KCNN3: variants seen among roughly 807,000 people sequenced by gnomAD.
The protein encoded by KCNN3 is potassium calcium-activated channel subfamily N member 3, also known as small conductance calcium-activated potassium channel protein 3.
Under a neutral mutation model 62.9 loss-of-function variants are expected in KCNN3, and 16 were observed. The observed-to-expected ratio is 0.25, with a 90% CI of 0.17 to 0.39. KCNN3 has a LOEUF of 0.39. KCNN3 is among the 10% of genes least tolerant of loss of function. The pLI, the probability that KCNN3 is intolerant of heterozygous loss-of-function variation, is 1.00. For synonymous variants in KCNN3, 370 were observed against 389.2 expected (o/e 0.95, Z 0.58); for missense variants, 599 against 949.4 (o/e 0.63, Z 4.85).
intron 3 of KCNN3, among the ~76,000 whole-genome samples, chr1:154,767,346 A>C (rs780813844): frequency 9.9e-5 from 15 of 152,238 alleles, no homozygotes; most frequent in Non-Finnish European, 1.6e-4. Flanking sequence ...AGCCTGTTGC[A>C]GAATTTGGAG....
At chr1:154,791,377 G>A (rs1005330132) in intron 2 of KCNN3, among the ~76,000 whole-genome samples, 1 of 151,552 alleles carries the variant, frequency 6.6e-6, no homozygotes, top group Non-Finnish European at 1.5e-5. Context: ...GGCTGGTGCT[G>A]GGGAGGAGCT....
chr1:154,861,590 G>A (rs1000680590), intron 1 of KCNN3, among the ~76,000 whole-genome samples: 3 of 152,078 alleles, frequency 2.0e-5, no homozygotes, highest in African/African-American at 7.2e-5. Flanking sequence ...CTCCCATCAT[G>A]GCTTGTCTAG....
At chr1:154,833,647 G>A (rs1427924592) in intron 1 of KCNN3, among the ~76,000 whole-genome samples, 3 of 152,196 alleles carry the variant, frequency 2.0e-5, no homozygotes, top group Non-Finnish European at 4.4e-5. Context: ...TAACAGAAAG[G>A]GCTGATAATG....
At chr1:154,842,513 G>A (rs1245261124) in intron 1 of KCNN3, among the ~76,000 whole-genome samples, 1 of 152,084 alleles carries the variant, frequency 6.6e-6, no homozygotes, top group Non-Finnish European at 1.5e-5. Flanking sequence ...GGGGCTATAA[G>A]CAACTGGGAT....
chr1:154,857,396 C>T (rs1652580550), intron 1 of KCNN3, among the ~76,000 whole-genome samples: 3 of 152,142 alleles, frequency 2.0e-5, no homozygotes, highest in Admixed American at 2.0e-4. Context: ...TCAGCAAACC[C>T]CTGTATCTAA....
At chr1:154,793,178 A>G (rs1051379922) in intron 2 of KCNN3, among the ~76,000 whole-genome samples, 26 of 152,242 alleles carry the variant, frequency 1.7e-4, no homozygotes, top group Non-Finnish European at 8.8e-5. Flanking sequence ...GGTGTCAGAC[A>G]TGCAAACCAG....
At chr1:154,837,736 G>A (rs1197106326) in intron 1 of KCNN3, among the ~76,000 whole-genome samples, 2 of 152,234 alleles carry the variant, frequency 1.3e-5, no homozygotes, top group African/African-American at 4.8e-5. Flanking sequence ...TCAGAGCAAA[G>A]GAAAAAGCTC....
chr1:154,713,413 A>G (rs1280167045), intron 7 of KCNN3, 51 bp downstream of exon 7: 1 of 1,454,666 alleles, frequency 6.9e-7, no homozygotes, highest in South Asian at 1.1e-5. Flanking sequence ...GAGCCTGAGA[A>G]GACTCAGTGT....
intron 2 of KCNN3, among the ~76,000 whole-genome samples, chr1:154,798,958 C>T (rs1416966760): frequency 6.7e-6 from 1 of 150,256 alleles, no homozygotes; most frequent in Non-Finnish European, 1.5e-5. Flanking sequence ...ACTCTGTCAC[C>T]CAGGCTGGAG....
intron 3 of KCNN3, among the ~76,000 whole-genome samples, chr1:154,755,392 C>A (rs1173194692): frequency 6.6e-6 from 1 of 151,418 alleles, no homozygotes; most frequent in Non-Finnish European, 1.5e-5. Flanking sequence ...TTGCTTGAGC[C>A]CAGGAGTTAA....
chr1:154,716,607 A>G (rs998765782), intron 5 of KCNN3, among the ~76,000 whole-genome samples: 4 of 152,254 alleles, frequency 2.6e-5, no homozygotes, highest in African/African-American at 9.6e-5. Flanking sequence ...TTTTTAAAAG[A>G]ACAGCTAAGT....
At chr1:154,742,040 C>A (rs964481549) in intron 3 of KCNN3, among the ~76,000 whole-genome samples, 1 of 152,272 alleles carries the variant, frequency 6.6e-6, no homozygotes, top group African/African-American at 2.4e-5. Context: ...CCTCTGGCAT[C>A]TGCAGCGGCT....
At chr1:154,859,817 G>A (rs1652690563) in intron 1 of KCNN3, 2 of 1,612,840 alleles carry the variant, frequency 1.2e-6, no homozygotes, top group Admixed American at 3.3e-5. Context: ...GTCCCTGCAA[G>A]GAGTGTCCTT....
chr1:154,789,154 C>T (rs1181862972), intron 2 of KCNN3, among the ~76,000 whole-genome samples: 1 of 152,206 alleles, frequency 6.6e-6, no homozygotes, highest in African/African-American at 2.4e-5. Context: ...TTTCCAGCTT[C>T]CAGAGAGGGC....
At chr1:154,814,350 C>T (rs1461282368) in intron 2 of KCNN3, among the ~76,000 whole-genome samples, 3 of 152,222 alleles carry the variant, frequency 2.0e-5, no homozygotes, top group African/African-American at 4.8e-5. Flanking sequence ...GGGGGTCCAA[C>T]AGTGAAACCA....
chr1:154,798,204 A>T (rs1226658433), intron 2 of KCNN3, among the ~76,000 whole-genome samples: 1 of 152,200 alleles, frequency 6.6e-6, no homozygotes, highest in Non-Finnish European at 1.5e-5. Flanking sequence ...ACTCACCAAG[A>T]CACATCTGTT....
intron 3 of KCNN3, among the ~76,000 whole-genome samples, chr1:154,758,489 G>A (rs1006110475): frequency 2.6e-5 from 4 of 152,258 alleles, no homozygotes; most frequent in Non-Finnish European, 4.4e-5. Flanking sequence ...CTGTCTGAGA[G>A]GGCCCGCAGG....
chr1:154,822,546 G>A (rs1482538121), intron 1 of KCNN3, among the ~76,000 whole-genome samples: 2 of 152,214 alleles, frequency 1.3e-5, no homozygotes, highest in African/African-American at 4.8e-5. Context: ...TCATATGAAC[G>A]TCATTCTTTG....
At chr1:154,759,292 C>G (rs1647890576) in intron 3 of KCNN3, among the ~76,000 whole-genome samples, 1 of 152,200 alleles carries the variant, frequency 6.6e-6, no homozygotes, top group Non-Finnish European at 1.5e-5. Context: ...AGAAGGGGCC[C>G]TGTGGAGCTG....
Sources: gnomAD v4.1 joint callset for allele counts (sites outside exome capture counted in the v4.1 genomes callset) on GRCh38, gnomAD v4.1.1 for gene constraint, MANE v1.5 for transcripts, NCBI Gene and HGNC (gene_info 2026-07-23, HGNC 2026-07-21) for gene names.